The following NLRP2 variants were observed in gnomAD, a reference collection of about 807,000 sequenced individuals.
NLRP2 encodes the protein NACHT, LRR and PYD domains-containing protein 2.
A neutral mutation model predicts 97.2 loss-of-function variants in NLRP2; 107 were observed. The ratio of observed to expected loss-of-function variants is 1.10; its 90% confidence interval spans 0.94 to 1.29. The LOEUF (loss-of-function observed/expected upper bound fraction) is 1.29. Ranked by LOEUF, NLRP2 falls within the 50% of genes most tolerant of loss-of-function variation. NLRP2 has a pLI of 0.00. For synonymous variants in NLRP2, 663 were observed against 551.5 expected (o/e 1.20, Z -2.83); for missense variants, 1,495 against 1,330.3 (o/e 1.12, Z -1.93).
chr19:54,992,074 G>A (rs953189542), intron 10 of NLRP2, among the ~76,000 whole-genome samples: 1 of 150,870 alleles, frequency 6.6e-6, no homozygotes, highest in African/African-American at 2.4e-5. Context: ...TCACCACCAC[G>A]CCGGGCTAAT....
Position 54,982,230 on chromosome 19 carries a change from G to A in NLRP2, c.532G>A (p.Asp178Asn). ...FREMWKSWPG[D>N]SKEVQVMAER... ...GGAGATGTGGAAGAGCTGGCCTGGA[G>A]ATAGCAAAGAGGTCCAGGTTATGGC... The change falls in exon 6 of 13, where the codon GAT becomes AAT. Residue 178 changes from aspartate to asparagine, a missense_variant. Asp to Asn is a conservative substitution (Grantham distance 23, BLOSUM62 1). Coordinates refer to ENST00000448584, the MANE Select transcript of NLRP2 (RefSeq NM_017852.5). The A allele has an allele frequency of 6.2e-7, 1 of 1,614,152 alleles. No individual in the cohort carries two copies. The highest frequency in any genetic ancestry group is 8.5e-7 in the Non-Finnish European group (1 of 1,180,038).
intron 11 of NLRP2, among the ~76,000 whole-genome samples, chr19:54,994,994 C>T (rs2072726558): frequency 6.6e-6 from 1 of 151,708 alleles, no homozygotes; most frequent in South Asian, 2.1e-4. Flanking sequence ...AGCCAAAAGC[C>T]ACTGCCCAGC....
chr19:54,972,547 T>C (rs1268278503), intron 2 of NLRP2, among the ~76,000 whole-genome samples: 3 of 152,004 alleles, frequency 2.0e-5, no homozygotes, highest in African/African-American at 7.3e-5. Context: ...CAATCACAGC[T>C]CACTGCAGCC....
chr19:54,983,160 A>G lies in NLRP2; in HGVS notation c.1462A>G (p.Ile488Val). 1.9e-6 allele frequency: 3 copies of G among 1,613,452 alleles called. No homozygotes were observed. Among genetic ancestry groups the G allele is most frequent in the Admixed American group, 1.7e-5 (1 of 59,916 alleles). ...SDLRLFLDGD[I>V]LRQDRVSKGC... is the part of the protein sequence containing the mutation. ...CCTCCGTCTGTTCCTGGACGGAGACATCCTCCGCCAGGACAGAGTCTCCAA... is the reference window on the plus strand; with the variant it reads ...CCTCCGTCTGTTCCTGGACGGAGACGTCCTCCGCCAGGACAGAGTCTCCAA... Residue 488 changes from isoleucine (I) to valine (V), a missense_variant, in exon 6 of 13, where the codon ATC becomes GTC. By Grantham distance (29) the Ile-to-Val change is conservative (BLOSUM62 3). Coordinates refer to ENST00000448584, the MANE Select transcript of NLRP2 (RefSeq NM_017852.5).
chr19:54,988,885 G>C (rs2072272093), intron 8 of NLRP2, among the ~76,000 whole-genome samples: 1 of 152,040 alleles, frequency 6.6e-6, no homozygotes, highest in Admixed American at 6.6e-5. Context: ...ACATAGGTTA[G>C]TGGGCTGGGT....
At chr19:54,999,217 G>A (rs1456681029) in intron 12 of NLRP2, among the ~76,000 whole-genome samples, 1 of 152,070 alleles carries the variant, frequency 6.6e-6, no homozygotes, top group African/African-American at 2.4e-5. Context: ...GCGCTATCTC[G>A]GCTTACTGCA....
chr19:54,986,017 C>A, intron 7 of NLRP2, 134 bp from the exon 8 acceptor site: 2 of 695,314 alleles, frequency 2.9e-6, no homozygotes, highest in East Asian at 2.8e-5. Context: ...AAAAAAAAAT[C>A]TGTAAAGATG....
intron 3 of NLRP2, 84 bp from the exon 4 acceptor site, chr19:54,977,668 G>A: frequency 1.5e-6 from 2 of 1,309,120 alleles, no homozygotes; most frequent in Non-Finnish European, 2.2e-6. Flanking sequence ...CTTCACTACT[G>A]AGACTCAGGG....
rs2072690538 is a variant in NLRP2 at position 54,994,438 on chromosome 19, T to C, written c.2878T>C (p.Trp960Arg). Residue 960 changes from tryptophan (W) to arginine (R), a missense_variant and splice_region_variant, in exon 11 of 13, where the codon TGG becomes CGG. Transcript: ENST00000448584. ...RKPLCNLRCLWLWGCSIPPFS... is the reference protein window; with the variant it reads ...RKPLCNLRCLRLWGCSIPPFS... Reference sequence around the variant, plus strand: ...ACCACTGTGCAACTTGAGATGTCTGTGGTGAGTTAACTTATAAGTTCAACT... The same window carrying C: ...ACCACTGTGCAACTTGAGATGTCTGCGGTGAGTTAACTTATAAGTTCAACT... 2 of 1,612,614 alleles carry C rather than the reference T, an allele frequency of 1.2e-6. No homozygotes were observed. Among genetic ancestry groups the C allele is most frequent in the East Asian group, 4.5e-5 (2 of 44,888 alleles).
rs752032722 is a variant in NLRP2, at chr19:54,983,738, GT to G, written c.2030+13del. 12 of 1,607,604 alleles carry G rather than the reference GT, an allele frequency of 7.5e-6. No individual in the cohort carries two copies. The African/African-American group carries it at 1.5e-4, about 20-fold the overall frequency. ...ACGCCGAGGTTGAGAGGTGAGAACC[GT>G]TTCACTCTACCAGTCGTTCCATCTT... On this transcript the variant is annotated intron_variant, in intron 6 of 12. Transcript: ENST00000448584.
At chr19:54,996,037 C>CAAAAAAAA (rs544759995) in intron 11 of NLRP2, among the ~76,000 whole-genome samples, 104 of 73,312 alleles carry the variant, frequency 1.4e-3, no homozygotes, top group African/African-American at 5.2e-3. Context: ...GATCCTGTCT[C>CAAAAAAAA]AAAAAAAAAA....
In NLRP2 at chr19:54,994,877, G is replaced by C. The variant is rs2146535981; in HGVS notation, c.2879+438G>C. Among the ~76,000 whole-genome samples the C allele has an allele frequency of 2.0e-5, 3 of 151,694 alleles. 1 individual carries two copies. In the South Asian group the frequency reaches 6.3e-4, roughly 32 times the overall value. On this transcript the variant is annotated intron_variant, in intron 11 of 12. Transcript: ENST00000448584. ...GCCCATCTCGGCCTCCCAAAGTGCT[G>C]GGATTACAGGCGTGAGCCACTGCGC...
At chr19:54,980,268 G>A (rs1000708707) in intron 4 of NLRP2, among the ~76,000 whole-genome samples, 13 of 151,438 alleles carry the variant, frequency 8.6e-5, no homozygotes, top group African/African-American at 2.4e-4. Context: ...GCGCAATCTC[G>A]GCTCACTGCA....
At chr19:54,984,924 G>A (rs1290325587) in intron 6 of NLRP2, 123 bp from the exon 7 acceptor site, 1 of 894,792 alleles carries the variant, frequency 1.1e-6, no homozygotes, top group Non-Finnish European at 1.9e-6. Flanking sequence ...GTGCTAATAA[G>A]TGATTACATG....
intron 10 of NLRP2, chr19:54,993,998 G>C (rs1602427492): frequency 7.3e-6 from 4 of 549,586 alleles, no homozygotes; most frequent in East Asian, 3.2e-5. Context: ...CCCTGTGATT[G>C]CTGGACCTAC....
At chr19:54,967,655 T>A (rs977196550) in intron 1 of NLRP2, among the ~76,000 whole-genome samples, 7 of 151,282 alleles carry the variant, frequency 4.6e-5, no homozygotes, top group African/African-American at 1.2e-4. Context: ...AAAAAAAAAA[T>A]ATATTGGAAC....
intron 2 of NLRP2, among the ~76,000 whole-genome samples, chr19:54,973,324 G>A (rs558238774): frequency 1.5e-5 from 2 of 134,400 alleles, no homozygotes; most frequent in Non-Finnish European, 3.1e-5. Context: ...AATGTTTCCT[G>A]TCTTTAACAA....
chr19:54,969,704 G>A (rs1223443208), intron 1 of NLRP2, among the ~76,000 whole-genome samples: 1 of 152,160 alleles, frequency 6.6e-6, no homozygotes, highest in Non-Finnish European at 1.5e-5. Flanking sequence ...CTGTTGCCCA[G>A]ATGGGAGTGC....
intron 8 of NLRP2, among the ~76,000 whole-genome samples, chr19:54,989,321 AATT>A (rs1209892555): frequency 6.6e-6 from 1 of 152,056 alleles, no homozygotes; most frequent in Non-Finnish European, 1.5e-5. Context: ...AAAATACAAA[AATT>A]AGCCAGGCAA....
Sources: gnomAD v4.1 joint callset for allele counts (sites outside exome capture counted in the v4.1 genomes callset) on GRCh38, gnomAD v4.1.1 for gene constraint, MANE v1.5 for transcripts, NCBI Gene and HGNC (gene_info 2026-07-23, HGNC 2026-07-21) for gene names.